LAMP5: variants seen among roughly 807,000 people sequenced by gnomAD.
LAMP5 encodes lysosome associated membrane protein 5.
In LAMP5, 36 loss-of-function variants were observed where a neutral mutation model predicts 30.2. The observed-to-expected ratio is 1.19, with a 90% confidence interval of 0.91 to 1.57. The LOEUF (loss-of-function observed/expected upper bound fraction) is 1.57. Ranked by LOEUF, LAMP5 falls within the 40% of genes most tolerant of loss-of-function variation. LAMP5 has a pLI of 0.00. For synonymous variants in LAMP5, 149 were observed against 134.6 expected (o/e 1.11, Z -0.74); for missense variants, 377 against 354.9 (o/e 1.06, Z -0.50).
intron 5 of LAMP5, among the ~76,000 whole-genome samples, chr20:9,521,524 A>G (rs1447505549): frequency 2.0e-5 from 3 of 152,224 alleles, no homozygotes; most frequent in African/African-American, 4.8e-5. Context: ...CCTAGAGGCC[A>G]ATACACAGAG....
At chr20:9,523,195 T>A (rs1421656242) in intron 5 of LAMP5, among the ~76,000 whole-genome samples, 3 of 152,120 alleles carry the variant, frequency 2.0e-5, no homozygotes, top group Non-Finnish European at 4.4e-5. Context: ...ATTTTGCTGA[T>A]GTTATAGGAG....
rs369259714 is a variant in LAMP5 at position 9,516,132 on chromosome 20, G to A, written c.369+1G>A. 1.3e-6 allele frequency: 2 copies of A among 1,565,864 alleles called. No homozygotes were observed. The highest frequency in any genetic ancestry group is 3.9e-5 in the Admixed American group (2 of 51,796). The stretch of plus-strand genomic sequence containing the variant: ...TGCACTCAAAATGCTCTTTGTAAAG[G>A]TAACTCCGAGCCCAGCGGGCAGAGG... On this transcript the variant is annotated splice_donor_variant, in intron 3 of 5. Coordinates refer to ENST00000246070, the MANE Select transcript of LAMP5 (RefSeq NM_012261.4). LOFTEE classifies it high-confidence loss of function.
Position 9,515,454 on chromosome 20 carries a change from T to C in LAMP5, c.66T>C (p.His22=). ...GGAATTGTTTTGTTTGTTCCGCAGA[T>C]ACAATGGCTCAAATCATGGCAGAAC... ...DRLRVLLMLF[H]TMAQIMAEQE... Residue 22 remains histidine (H), a splice_region_variant and synonymous_variant, in exon 2 of 6, where the codon CAT becomes CAC. Coordinates refer to ENST00000246070, the MANE Select transcript of LAMP5 (RefSeq NM_012261.4). 6.2e-7 allele frequency: 1 copy of C among 1,613,266 alleles called. No homozygotes were observed.
chr20:9,526,496 G>A (rs2045113208), intron 5 of LAMP5, among the ~76,000 whole-genome samples: 1 of 152,096 alleles, frequency 6.6e-6, no homozygotes, highest in Non-Finnish European at 1.5e-5. Context: ...AGGCAATATG[G>A]TATCATACTG....
At chr20:9,519,249 T>C (rs2045063815) in intron 5 of LAMP5, among the ~76,000 whole-genome samples, 1 of 152,248 alleles carries the variant, frequency 6.6e-6, no homozygotes, top group Non-Finnish European at 1.5e-5. Context: ...ATTGCTTTGT[T>C]TATGCCTTTC....
At position 9,514,988 on chromosome 20, in the gene LAMP5, TCAATTAG is replaced by T. The variant is rs1343984366; in HGVS notation, c.64+74_64+80del. 8 of 1,362,680 alleles carry T rather than the reference TCAATTAG, an allele frequency of 5.9e-6. No homozygotes were observed. In the East Asian group the frequency reaches 1.6e-4, roughly 28 times the overall value. 84.4% of individuals were successfully genotyped at this position (1,362,680 alleles called of 1,614,324 possible). ...AGAGAACAGAGCCGGCAAAGTAAAG[TCAATTAG>T]CTTGAGATAAAAAATATGGCCCTTA... On this transcript the variant is annotated intron_variant, in intron 1 of 5. Coordinates refer to ENST00000246070, the MANE Select transcript of LAMP5 (RefSeq NM_012261.4).
In LAMP5 at chr20:9,529,462, G is replaced by C. The variant is rs181187791; in HGVS notation, c.665-180G>C. Among the ~76,000 whole-genome samples the C allele has an allele frequency of 3.6e-3, 553 of 152,242 alleles. 8 individuals carry two copies. The highest frequency in any genetic ancestry group is 0.017 in the Middle Eastern group (5 of 294). On this transcript the variant is annotated intron_variant, in intron 5 of 5. Coordinates refer to ENST00000246070, the MANE Select transcript of LAMP5 (RefSeq NM_012261.4). ...TAGTTAATTGATGTATTTTTATTAC[G>C]CATTATGTAGAACGATTAAGTGTTA...
At chr20:9,516,714 T>C (rs1603168152) in intron 4 of LAMP5, among the ~76,000 whole-genome samples, 1 of 152,332 alleles carries the variant, frequency 6.6e-6, no homozygotes, top group Non-Finnish European at 1.5e-5. Context: ...TTTAATTTTC[T>C]TCCGCATCCT....
intron 1 of LAMP5, chr20:9,515,140 G>A: frequency 1.7e-6 from 1 of 599,520 alleles, no homozygotes; most frequent in South Asian, 2.2e-5. Context: ...ACAGAGCCTA[G>A]ACAGGCCAGC....
At chr20:9,518,290 G>C in intron 5 of LAMP5, 62 bp downstream of exon 5, 6 of 1,452,552 alleles carry the variant, frequency 4.1e-6, no homozygotes, top group Non-Finnish European at 5.8e-6. Context: ...ATGAGAGAGG[G>C]ACCTACCAGG....
At chr20:9,517,113 A>G (rs530263663) in intron 4 of LAMP5, among the ~76,000 whole-genome samples, 1 of 152,390 alleles carries the variant, frequency 6.6e-6, no homozygotes, top group African/African-American at 2.4e-5. Flanking sequence ...ACATAAAAAT[A>G]CATGTGTCAT....
intron 5 of LAMP5, among the ~76,000 whole-genome samples, chr20:9,520,436 G>T (rs1239356725): frequency 6.6e-6 from 1 of 152,104 alleles, no homozygotes. Context: ...GTGCCTTTTC[G>T]GGATCTATCA....
chr20:9,526,345 C>T (rs2045112171), intron 5 of LAMP5, among the ~76,000 whole-genome samples: 2 of 152,166 alleles, frequency 1.3e-5, no homozygotes, highest in African/African-American at 4.8e-5. Flanking sequence ...GCCACTAGCG[C>T]CTGCAAACCA....
At position 9,516,361 on chromosome 20, in the gene LAMP5, G is replaced by A. The variant is rs746557308; in HGVS notation, c.475G>A (p.Ala159Thr). The A allele has an allele frequency of 7.4e-6, 12 of 1,611,018 alleles. No homozygotes were observed. In the Admixed American group the frequency reaches 1.7e-4, roughly 22 times the overall value. ...EKTHFKDAVS[A>T]GKHTANSHHL... is the part of the protein sequence containing the mutation. ...AACCCACTTCAAAGACGCAGTCAGT[G>A]GTGAGTGGAGGCTGGCATGGCTGGG... The change falls in exon 4 of 6, where the codon GCT becomes ACT. Residue 159 changes from alanine (A) to threonine (T), a missense_variant and splice_region_variant. Ala to Thr is a moderately conservative substitution (Grantham distance 58, BLOSUM62 0). Coordinates refer to ENST00000246070, the MANE Select transcript of LAMP5 (RefSeq NM_012261.4).
intron 5 of LAMP5, among the ~76,000 whole-genome samples, 157 bp downstream of exon 5, chr20:9,518,385 A>G (rs1192710083): frequency 2.0e-5 from 3 of 152,234 alleles, no homozygotes; most frequent in African/African-American, 7.2e-5. Flanking sequence ...CTAAAAAAGC[A>G]GTAAGCTGAA....
intron 5 of LAMP5, among the ~76,000 whole-genome samples, chr20:9,518,909 G>GGT (rs370937587): frequency 2.0e-5 from 3 of 151,996 alleles, no homozygotes; most frequent in Non-Finnish European, 2.9e-5. Context: ...GGGAGGGAAG[G>GGT]GTACCTGAAG....
intron 2 of LAMP5, 35 bp from the exon 3 acceptor site, chr20:9,515,965 C>G (rs755252302): frequency 1.4e-6 from 2 of 1,472,106 alleles, no homozygotes; most frequent in East Asian, 4.8e-5. Context: ...CGGGGCCGGG[C>G]GAGCTGAGGG....
intron 3 of LAMP5, 29 bp downstream of exon 3, chr20:9,516,160 C>A (rs372577373): frequency 3.2e-6 from 5 of 1,586,536 alleles, no homozygotes; most frequent in Non-Finnish European, 4.3e-6. Flanking sequence ...GGCAGAGGGG[C>A]CGCAGGCTCC....
At position 9,529,974 on chromosome 20, in the gene LAMP5, T is replaced by A; in HGVS notation, c.*154T>A. On this transcript the variant is annotated 3_prime_UTR_variant, in exon 6 of 6. Coordinates refer to ENST00000246070, the MANE Select transcript of LAMP5 (RefSeq NM_012261.4). ...GGCTTGCTTGGCTTGTGTCCATGCTTAAACCCACGGAAGGGGGAGACTCTT... is the reference window on the plus strand; with the variant it reads ...GGCTTGCTTGGCTTGTGTCCATGCTAAAACCCACGGAAGGGGGAGACTCTT... 1.5e-6 allele frequency: 1 copy of A among 660,070 alleles called. No homozygotes were observed. Among genetic ancestry groups the A allele is most frequent in the Non-Finnish European group, 2.5e-6 (1 of 405,140 alleles). 40.9% of individuals were successfully genotyped at this position (660,070 alleles called of 1,614,324 possible).
Sources: gnomAD v4.1 joint callset for allele counts (sites outside exome capture counted in the v4.1 genomes callset) on GRCh38, gnomAD v4.1.1 for gene constraint, MANE v1.5 for transcripts, NCBI Gene and HGNC (gene_info 2026-07-23, HGNC 2026-07-21) for gene names.